FBXW10B: variants seen among roughly 807,000 people sequenced by gnomAD.
FBXW10B encodes the protein F-box and WD repeat domain containing protein 10B.
chr17:15,615,638 C>T, the FBXW10B span: 1 of 1,613,770 alleles, frequency 6.2e-7, no homozygotes, highest in Admixed American at 1.7e-5. Context: ...GCTGAAAGTT[C>T]ACTTACCAGG....
chr17:15,569,163 G>C, the FBXW10B span: 1 of 736,712 alleles, frequency 1.4e-6, no homozygotes, highest in Non-Finnish European at 1.9e-6. Context: ...TCAGTAGTGG[G>C]ATTGCTGGAT....
chr17:15,566,592 G>A, the FBXW10B span, among the ~76,000 whole-genome samples: 3 of 151,410 alleles, frequency 2.0e-5, no homozygotes, highest in African/African-American at 4.9e-5. Context: ...ACGGAGTCTC[G>A]CTCTGTCACC....
the FBXW10B span, chr17:15,607,556 T>G: frequency 1.9e-6 from 3 of 1,607,442 alleles, no homozygotes; most frequent in East Asian, 6.7e-5. Context: ...AGACCCAGAT[T>G]CTGACCCCAG....
chr17:15,592,763 C>T, the FBXW10B span, among the ~76,000 whole-genome samples: 1 of 151,818 alleles, frequency 6.6e-6, no homozygotes, highest in African/African-American at 2.4e-5. Flanking sequence ...CTTACAGAAG[C>T]GTTATGTTGC....
At chr17:15,589,237 C>G in the FBXW10B span, 8 of 1,613,796 alleles carry the variant, frequency 5.0e-6, no homozygotes, top group Non-Finnish European at 5.9e-6. Context: ...TCTGTGGATG[C>G]AGAGTAAAGA....
the FBXW10B span, among the ~76,000 whole-genome samples, chr17:15,569,659 T>A: frequency 1.3e-5 from 2 of 151,806 alleles, no homozygotes; most frequent in African/African-American, 4.8e-5. Context: ...GGTTTCGAAC[T>A]CCTGGGCTCA....
the FBXW10B span, among the ~76,000 whole-genome samples, chr17:15,581,476 C>T: frequency 6.6e-6 from 1 of 152,050 alleles, no homozygotes; most frequent in East Asian, 1.9e-4. Context: ...TAAATTAAAA[C>T]AAAGTAGATA....
chr17:15,612,227 G>A, the FBXW10B span, among the ~76,000 whole-genome samples: 3 of 152,326 alleles, frequency 2.0e-5, no homozygotes, highest in East Asian at 5.8e-4. Context: ...GAAGTGTCGG[G>A]CTGGGCGCGG....
the FBXW10B span, among the ~76,000 whole-genome samples, chr17:15,606,645 A>G: frequency 6.9e-6 from 1 of 144,834 alleles, no homozygotes. Context: ...GTATATGTGT[A>G]TATATATATG....
chr17:15,595,301 C>T, the FBXW10B span, among the ~76,000 whole-genome samples: 23 of 152,052 alleles, frequency 1.5e-4, no homozygotes, highest in Non-Finnish European at 2.4e-4. Flanking sequence ...GATCTCACCA[C>T]TGTGCTCCAG....
At chr17:15,592,708 T>A in the FBXW10B span, among the ~76,000 whole-genome samples, 1 of 151,556 alleles carries the variant, frequency 6.6e-6, no homozygotes. Context: ...GCCAAAGGCA[T>A]GATCAAAGAG....
chr17:15,617,981 C>G, the FBXW10B span, among the ~76,000 whole-genome samples: 1 of 152,202 alleles, frequency 6.6e-6, no homozygotes, highest in Non-Finnish European at 1.5e-5. Context: ...CTGTGATTCT[C>G]AAAGACAGAT....
the FBXW10B span, among the ~76,000 whole-genome samples, chr17:15,618,505 CTACTT>C: frequency 2.0e-5 from 3 of 150,184 alleles, no homozygotes; most frequent in Non-Finnish European, 4.4e-5. Flanking sequence ...TGGAGAAACT[CTACTT>C]TAAGGTTTCA....
the FBXW10B span, among the ~76,000 whole-genome samples, chr17:15,609,885 T>C: frequency 7.6e-6 from 1 of 131,772 alleles, no homozygotes; most frequent in African/African-American, 3.0e-5. Flanking sequence ...TGAGATGGAG[T>C]CTCGCTCTCT....
the FBXW10B span, among the ~76,000 whole-genome samples, chr17:15,592,764 G>T: frequency 6.6e-6 from 1 of 151,900 alleles, no homozygotes; most frequent in Non-Finnish European, 1.5e-5. Flanking sequence ...TTACAGAAGC[G>T]TTATGTTGCA....
At chr17:15,579,648 T>C in the FBXW10B span, among the ~76,000 whole-genome samples, 1 of 152,262 alleles carries the variant, frequency 6.6e-6, no homozygotes, top group Non-Finnish European at 1.5e-5. Context: ...TTGTCTAAAC[T>C]AATTACCTGC....
At chr17:15,611,382 A>G in the FBXW10B span, among the ~76,000 whole-genome samples, 1 of 152,180 alleles carries the variant, frequency 6.6e-6, no homozygotes, top group Non-Finnish European at 1.5e-5. Flanking sequence ...GGTTGCCAGC[A>G]TTTAATAAAA....
chr17:15,614,063 T>C, the FBXW10B span: 1 of 1,601,848 alleles, frequency 6.2e-7, no homozygotes, highest in African/African-American at 1.4e-5. Context: ...AGGTACGTGG[T>C]TGAGTTGGCT....
chr17:15,599,030 C>A, the FBXW10B span, among the ~76,000 whole-genome samples: 1 of 151,966 alleles, frequency 6.6e-6, no homozygotes, highest in African/African-American at 2.4e-5. Flanking sequence ...CAAAAATTAG[C>A]CAGGCATGGT....
Sources: allele counts gnomAD v4.1 joint callset (sites outside exome capture counted in the v4.1 genomes callset), GRCh38; gene constraint gnomAD v4.1.1; transcripts MANE v1.5; gene names NCBI Gene and HGNC (gene_info 2026-07-23, HGNC 2026-07-21).